C8orf34: variants seen among roughly 807,000 people sequenced by gnomAD.
C8orf34 encodes chromosome 8 open reading frame 34, also known as uncharacterized protein C8orf34.
A neutral mutation model predicts 68.3 loss-of-function variants in C8orf34; 65 were observed. The ratio of observed to expected loss-of-function variants is 0.95; its 90% CI spans 0.78 to 1.17. The LOEUF is 1.17. Among genes scored for constraint, C8orf34 ranks in the 50% most tolerant of loss-of-function variants. C8orf34 has a pLI of 0.00. For synonymous variants in C8orf34, 244 were observed against 241.2 expected (o/e 1.01, Z -0.11); for missense variants, 664 against 655.4 (o/e 1.01, Z -0.14).
At chr8:68,703,823 G>A (rs534365721) in intron 8 of C8orf34, among the ~76,000 whole-genome samples, 8 of 151,962 alleles carry the variant, frequency 5.3e-5, no homozygotes, top group South Asian at 2.1e-4. Flanking sequence ...CCTGCCTCCC[G>A]GGTCAAACAA....
intron 12 of C8orf34, among the ~76,000 whole-genome samples, chr8:68,812,535 A>G (rs528115718): frequency 6.6e-6 from 1 of 152,088 alleles, no homozygotes; most frequent in Admixed American, 6.6e-5. Flanking sequence ...AAACTTTAAA[A>G]TTTTTTTTAA....
At chr8:68,779,358 G>T (rs534473860) in intron 11 of C8orf34, among the ~76,000 whole-genome samples, 1 of 152,244 alleles carries the variant, frequency 6.6e-6, no homozygotes, top group Admixed American at 6.5e-5. Context: ...TTGAGAAGCC[G>T]TAAAGAACTA....
intron 12 of C8orf34, among the ~76,000 whole-genome samples, chr8:68,797,738 G>A (rs1458037131): frequency 7.9e-5 from 12 of 152,140 alleles, no homozygotes; most frequent in African/African-American, 2.9e-4. Flanking sequence ...GTCAGAAAGT[G>A]TGCACTGTAT....
intron 12 of C8orf34, among the ~76,000 whole-genome samples, chr8:68,802,930 T>C (rs1162399557): frequency 6.6e-6 from 1 of 152,138 alleles, no homozygotes; most frequent in Non-Finnish European, 1.5e-5. Context: ...CACAGAACTT[T>C]CTAGAAAATA....
intron 12 of C8orf34, 135 bp from the exon 13 acceptor site, chr8:68,815,751 T>C (rs1322844790): frequency 7.0e-7 from 1 of 1,431,902 alleles, no homozygotes; most frequent in Non-Finnish European, 9.6e-7. Flanking sequence ...GGCAGCACAG[T>C]ACATACTATA....
intron 10 of C8orf34, among the ~76,000 whole-genome samples, chr8:68,766,265 G>A (rs11987041): frequency 0.29 from 43,533 of 152,072 alleles, 6,737 homozygotes; most frequent in African/African-American, 0.39. Context: ...CAGTTCAGGA[G>A]GTTGGTCACC....
rs970585201 is a variant in C8orf34 at position 68,689,303 on chromosome 8, C to T, written c.1242-19691C>T. ...AGGATAAAAGACAACATATTGGATA[C>T]AGTGTACACTGCTTTGGTGATGGGG... On this transcript the variant is annotated intron_variant, in intron 8 of 13. Transcript: ENST00000518698. Among the ~76,000 whole-genome samples, 5 of 152,036 alleles carry T rather than the reference C, an allele frequency of 3.3e-5. No individual in the cohort carries two copies. The East Asian group carries it at 5.8e-4, about 18-fold the overall frequency.
intron 12 of C8orf34, among the ~76,000 whole-genome samples, chr8:68,793,237 G>A (rs936983346): frequency 2.6e-5 from 4 of 152,090 alleles, no homozygotes; most frequent in African/African-American, 9.7e-5. Flanking sequence ...AAATAGTAAA[G>A]TTAAACAGTG....
chr8:68,542,266 G>A (rs1011177801), intron 7 of C8orf34, among the ~76,000 whole-genome samples: 22 of 152,140 alleles, frequency 1.4e-4, no homozygotes, highest in African/African-American at 5.3e-4. Context: ...AGCTTATACA[G>A]GCTATACACT....
chr8:68,620,801 A>AT (rs1818367573), intron 7 of C8orf34, among the ~76,000 whole-genome samples: 1 of 150,930 alleles, frequency 6.6e-6, no homozygotes, highest in Non-Finnish European at 1.5e-5. Context: ...TTTTTCCCCC[A>AT]TTACCCAATA....
chr8:68,640,493 T>C lies in C8orf34; in HGVS notation c.1223T>C (p.Ile408Thr). ...AEPQAKVTLN[I>T]CSRCARLQGD... Reference sequence around the variant, plus strand: ...CCTCAGGCCAAGGTCACACTGAACATCTGTTCAAGGTGTGCCAGGTAAAAG... The same window carrying C: ...CCTCAGGCCAAGGTCACACTGAACACCTGTTCAAGGTGTGCCAGGTAAAAG... The change falls in exon 8 of 14, where the codon ATC (isoleucine) becomes ACC (threonine). Residue 408 changes from isoleucine to threonine, a missense_variant. By Grantham distance (89) the Ile-to-Thr change is moderately conservative. Coordinates refer to ENST00000518698, the MANE Select transcript of C8orf34 (RefSeq NM_052958.4). 1.9e-6 allele frequency: 3 copies of C among 1,613,854 alleles called. No homozygotes were observed. Among genetic ancestry groups the C allele is most frequent in the Non-Finnish European group, 2.5e-6 (3 of 1,179,852 alleles).
At chr8:68,330,673 T>G, upstream of C8orf34, 3 of 251,678 alleles carry the variant, frequency 1.2e-5, no homozygotes, top group East Asian at 8.3e-5. Flanking sequence ...ACCTTCACCA[T>G]TGGCTTTTTA....
At chr8:68,706,611 C>G (rs1386699611) in intron 8 of C8orf34, among the ~76,000 whole-genome samples, 1 of 152,208 alleles carries the variant, frequency 6.6e-6, no homozygotes, top group Non-Finnish European at 1.5e-5. Context: ...TTACAGATAT[C>G]TGCCATGAAA....
At chr8:68,619,419 G>T (rs1818323568) in intron 7 of C8orf34, among the ~76,000 whole-genome samples, 1 of 152,174 alleles carries the variant, frequency 6.6e-6, no homozygotes, top group Non-Finnish European at 1.5e-5. Context: ...GGAAACCTGA[G>T]CACGGACAGG....
chr8:68,587,396 A>G (rs977073556), intron 7 of C8orf34, among the ~76,000 whole-genome samples: 4 of 152,066 alleles, frequency 2.6e-5, no homozygotes, highest in East Asian at 3.9e-4. Flanking sequence ...TCATCTTGTT[A>G]TGTTATGAGT....
intron 7 of C8orf34, among the ~76,000 whole-genome samples, chr8:68,601,203 A>G (rs1165417545): frequency 6.6e-6 from 1 of 151,962 alleles, no homozygotes; most frequent in Non-Finnish European, 1.5e-5. Context: ...GTTTTTATAA[A>G]TATAATTATT....
At chr8:68,771,466 T>C (rs1180762570) in intron 10 of C8orf34, among the ~76,000 whole-genome samples, 2 of 152,202 alleles carry the variant, frequency 1.3e-5, no homozygotes, top group African/African-American at 4.8e-5. Context: ...TTGATATCTC[T>C]GTATCTGAAG....
chr8:68,557,965 T>A (rs1411496516), intron 7 of C8orf34, among the ~76,000 whole-genome samples: 1 of 152,164 alleles, frequency 6.6e-6, no homozygotes, highest in African/African-American at 2.4e-5. Context: ...ATGAAATAGT[T>A]TAGAACATTC....
chr8:68,744,024 C>T (rs1231434729), intron 10 of C8orf34, among the ~76,000 whole-genome samples: 1 of 152,144 alleles, frequency 6.6e-6, no homozygotes, highest in East Asian at 1.9e-4. Context: ...TCCCAGCATG[C>T]AGCTGGAGAT....
Sources: gnomAD v4.1 joint callset for allele counts (sites outside exome capture counted in the v4.1 genomes callset) on GRCh38, gnomAD v4.1.1 for gene constraint, MANE v1.5 for transcripts, NCBI Gene and HGNC (gene_info 2026-07-23, HGNC 2026-07-21) for gene names.